Variants in ZNF469 observed in about 807,000 individuals in gnomAD.
The protein encoded by ZNF469 is zinc finger protein 469.
In ZNF469, 1 loss-of-function variant was observed where a neutral mutation model predicts 1.0. That is an observed-to-expected ratio of 1.00 (90% CI 0.35 to 4.73). ZNF469 has a LOEUF of 4.73. ZNF469 is among the 30% of genes most tolerant of loss of function. The pLI is 0.16. For synonymous variants in ZNF469, 2,703 were observed against 2,363.4 expected (o/e 1.14, Z -4.17); for missense variants, 6,100 against 5,356.3 (o/e 1.14, Z -4.33).
At chr16:88,121,631 C>T in the ZNF469 span, among the ~76,000 whole-genome samples, 1 of 152,188 alleles carries the variant, frequency 6.6e-6, no homozygotes, top group Non-Finnish European at 1.5e-5. Context: ...CATATTTAAG[C>T]TTATCTATAA....
At chr16:88,345,021 C>G in the ZNF469 span, among the ~76,000 whole-genome samples, 1 of 152,208 alleles carries the variant, frequency 6.6e-6, no homozygotes, top group African/African-American at 2.4e-5. Flanking sequence ...AGGCCCAGAG[C>G]CCTACAGCAG....
At chr16:88,373,436 G>C in the ZNF469 span, among the ~76,000 whole-genome samples, 1 of 152,304 alleles carries the variant, frequency 6.6e-6, no homozygotes, top group East Asian at 1.9e-4. Flanking sequence ...GGCTGTCCCT[G>C]TGTGGAGGCG....
the ZNF469 span, among the ~76,000 whole-genome samples, chr16:88,116,975 A>G: frequency 6.6e-6 from 1 of 152,014 alleles, no homozygotes; most frequent in Non-Finnish European, 1.5e-5. Flanking sequence ...ACACACACAC[A>G]CACACACACA....
the ZNF469 span, among the ~76,000 whole-genome samples, chr16:88,215,049 A>G: frequency 6.6e-6 from 1 of 152,192 alleles, no homozygotes; most frequent in African/African-American, 2.4e-5. Context: ...TGTTTGAATA[A>G]TCTTTAATTC....
chr16:88,400,738 TG>T, intron 1 of ZNF469, among the ~76,000 whole-genome samples: 1 of 152,140 alleles, frequency 6.6e-6, no homozygotes, highest in East Asian at 1.9e-4. Flanking sequence ...AAGGTCAGCC[TG>T]TGGGTCCGCA....
chr16:88,127,496 A>G, the ZNF469 span, among the ~76,000 whole-genome samples: 1 of 152,192 alleles, frequency 6.6e-6, no homozygotes, highest in African/African-American at 2.4e-5. Flanking sequence ...CAATACTTGC[A>G]TTGCAGCTTA....
the ZNF469 span, among the ~76,000 whole-genome samples, chr16:88,228,095 C>T: frequency 6.6e-6 from 1 of 152,268 alleles, no homozygotes; most frequent in East Asian, 1.9e-4. Context: ...AGTATGACCT[C>T]GTCTAAGCTG....
Position 88,431,876 on chromosome 16 carries a change from A to G in ZNF469, c.4406A>G (p.Tyr1469Cys), listed in dbSNP as rs116072997. 5,912 of 1,549,900 alleles carry G rather than the reference A, an allele frequency of 3.8e-3. 192 individuals carry two copies. In the African/African-American group the frequency reaches 0.07, roughly 18 times the overall value. The part of the protein sequence containing the change: ...LPVDRFDPPL[Y>C]GSLSANRDSG... ...GTGGACAGATTCGACCCACCCCTCT[A>G]TGGCAGCCTGTCTGCGAACAGGGAC... The change falls in exon 3 of 3, where the codon TAT becomes TGT. Residue 1469 changes from tyrosine (Y) to cysteine (C), a missense_variant. Tyr to Cys is a radical substitution (Grantham distance 194). Coordinates refer to ENST00000565624, the MANE Select transcript of ZNF469 (RefSeq NM_001367624.2).
At chr16:88,389,473 G>A (rs772651757) in intron 1 of ZNF469, among the ~76,000 whole-genome samples, 9 of 152,234 alleles carry the variant, frequency 5.9e-5, no homozygotes, top group Non-Finnish European at 8.8e-5. Flanking sequence ...GAGCTTTTGT[G>A]TACCGCTTCT....
the ZNF469 span, among the ~76,000 whole-genome samples, chr16:88,366,740 TATC>T: frequency 3.4e-5 from 5 of 147,394 alleles, no homozygotes; most frequent in Admixed American, 6.7e-5. Flanking sequence ...TCACCATCAT[TATC>T]ATCATCACTA....
the ZNF469 span, among the ~76,000 whole-genome samples, chr16:88,106,237 A>G: frequency 0.54 from 82,667 of 152,008 alleles, 23,151 homozygotes; most frequent in East Asian, 0.79. Flanking sequence ...GCACTGCAGA[A>G]CTGTGACGGC....
At chr16:88,116,308 C>T in the ZNF469 span, among the ~76,000 whole-genome samples, 107 of 152,274 alleles carry the variant, frequency 7.0e-4, no homozygotes, top group South Asian at 2.1e-3. Flanking sequence ...AGCACAGAAC[C>T]GGTGATGTTG....
chr16:88,438,482 C>T lies in ZNF469; in HGVS notation c.11012C>T (p.Thr3671Ile). 1.3e-6 allele frequency: 2 copies of T among 1,550,120 alleles called. No individual in the cohort carries two copies. Among genetic ancestry groups the T allele is most frequent in the Non-Finnish European group, 1.7e-6 (2 of 1,146,936 alleles). ...PRGAFHKGSA[T>I]KPAGCQSSSK... ...GGCGCCTTCCACAAGGGCAGCGCCA[C>T]CAAGCCTGCGGGCTGCCAGAGCTCA... Residue 3671 changes from threonine (T) to isoleucine (I), a missense_variant, in exon 3 of 3, where the codon ACC becomes ATC. Thr to Ile is a moderately conservative substitution (Grantham distance 89). Transcript: ENST00000565624.
the ZNF469 span, among the ~76,000 whole-genome samples, chr16:88,245,329 G>C: frequency 1.3e-5 from 2 of 152,236 alleles, no homozygotes; most frequent in South Asian, 4.1e-4. Flanking sequence ...CAGGCTGTGG[G>C]AGCAGAGCTG....
Position 88,430,052 on chromosome 16 carries a change from A to C in ZNF469, c.2582A>C (p.Asp861Ala). 6.4e-7 allele frequency: 1 copy of C among 1,550,388 alleles called. No homozygotes were observed. The highest frequency in any genetic ancestry group is 8.7e-7 in the Non-Finnish European group (1 of 1,146,978). ...TACCAGTCGGACAACCCGGAGATCGACAGCAGCTTCATCGACGTCTTCGCG... is the reference window on the plus strand; with the variant it reads ...TACCAGTCGGACAACCCGGAGATCGCCAGCAGCTTCATCGACGTCTTCGCG... ...MEYQSDNPEI[D>A]SSFIDVFADE... The change falls in exon 3 of 3, where the codon GAC (aspartate) becomes GCC (alanine). Residue 861 changes from aspartate (D) to alanine (A), a missense_variant. Physicochemically the swap from Asp to Ala is moderately radical, Grantham distance 126. Transcript: ENST00000565624.
chr16:88,354,327 G>T, the ZNF469 span, among the ~76,000 whole-genome samples: 1 of 152,308 alleles, frequency 6.6e-6, no homozygotes, highest in South Asian at 2.1e-4. Context: ...CAGGTTCGGG[G>T]TAGGAGGGCT....
At chr16:88,318,850 G>A in the ZNF469 span, among the ~76,000 whole-genome samples, 8 of 152,370 alleles carry the variant, frequency 5.3e-5, no homozygotes, top group South Asian at 2.1e-4. Context: ...GCGTCCAGAC[G>A]GCCATCATGC....
the ZNF469 span, among the ~76,000 whole-genome samples, chr16:88,289,045 ATGGTGATGATGG>A: frequency 6.6e-6 from 1 of 151,960 alleles, no homozygotes; most frequent in African/African-American, 2.4e-5. Context: ...GATAACAGTG[ATGGTGATGATGG>A]TGGTGATGAG....
chr16:88,224,788 T>G, the ZNF469 span, among the ~76,000 whole-genome samples: 11 of 152,206 alleles, frequency 7.2e-5, no homozygotes, highest in African/African-American at 2.4e-5. Flanking sequence ...CACGTGTCTC[T>G]GTGTGTGCAC....
Sources: allele counts gnomAD v4.1 joint callset (sites outside exome capture counted in the v4.1 genomes callset), GRCh38; gene constraint gnomAD v4.1.1; transcripts MANE v1.5; gene names NCBI Gene and HGNC (gene_info 2026-07-23, HGNC 2026-07-21).